SDCBP: variants seen among roughly 807,000 people sequenced by gnomAD.
SDCBP encodes syntenin-1.
A neutral mutation model predicts 30.5 loss-of-function variants in SDCBP; 22 were observed. That is an observed-to-expected ratio of 0.72 (90% CI 0.52 to 1.03). SDCBP has a LOEUF of 1.03. Ranked by LOEUF, SDCBP falls within the 50% of genes least tolerant of loss-of-function variation. The pLI is 0.00. For synonymous variants in SDCBP, 103 were observed against 118.7 expected (o/e 0.87, Z 0.86); for missense variants, 304 against 369.9 (o/e 0.82, Z 1.46).
At chr8:58,560,563 AAG>A (rs1804383219) in intron 1 of SDCBP, 1 of 152,360 alleles carries the variant, frequency 6.6e-6, no homozygotes, top group Admixed American at 6.5e-5. Flanking sequence ...CTCTGAAAAC[AAG>A]AGAGCTGGGT....
Position 58,565,079 on chromosome 8 carries a change from AT to A in SDCBP, c.48del (p.Gln17ArgfsTer43), listed in dbSNP as rs1463865589. On this transcript the variant is annotated frameshift_variant, in exon 2 of 9. Coordinates refer to ENST00000260130, the MANE Select transcript of SDCBP (RefSeq NM_005625.4). LOFTEE classifies it high-confidence loss of function. Reference sequence around the variant, plus strand: ...CGAAGACTTGAAGGTAGACAAAGTAATTCAGGTATGATAGTTTAAATACTTT... The same window carrying A: ...CGAAGACTTGAAGGTAGACAAAGTAATCAGGTATGATAGTTTAAATACTTT... ...SLEDLKVDKV[I>X]QAQTAFSANP... The A allele has an allele frequency of 6.4e-7, 1 of 1,556,810 alleles. No homozygotes were observed. The highest frequency in any genetic ancestry group is 1.8e-5 in the Admixed American group (1 of 56,692).
At chr8:58,564,495 A>G (rs1490550326) in intron 1 of SDCBP, among the ~76,000 whole-genome samples, 1 of 152,236 alleles carries the variant, frequency 6.6e-6, no homozygotes, top group African/African-American at 2.4e-5. Context: ...CTTCTGAAGA[A>G]AAATCTGTTA....
intron 5 of SDCBP, among the ~76,000 whole-genome samples, chr8:58,577,738 C>A (rs1191855411): frequency 3.3e-5 from 5 of 152,048 alleles, no homozygotes; most frequent in Non-Finnish European, 7.4e-5. Flanking sequence ...GTTTTGTATT[C>A]CAAGTTGAAG....
At chr8:58,561,679 G>A (rs1260865882) in intron 1 of SDCBP, 5 of 617,146 alleles carry the variant, frequency 8.1e-6, no homozygotes, top group African/African-American at 7.5e-5. Context: ...CACTATATCT[G>A]ACTTAAACGC....
intron 1 of SDCBP, among the ~76,000 whole-genome samples, chr8:58,557,251 ATATT>A (rs1244918957): frequency 1.7e-3 from 227 of 130,626 alleles, no homozygotes; most frequent in African/African-American, 6.3e-3. Flanking sequence ...ATTTTAATCA[ATATT>A]TATATTTAAA....
At chr8:58,556,835 A>G (rs1411914515) in intron 1 of SDCBP, among the ~76,000 whole-genome samples, 2 of 144,006 alleles carry the variant, frequency 1.4e-5, no homozygotes, top group Non-Finnish European at 3.0e-5. Context: ...AAATACATAT[A>G]TATATAAAAT....
Position 58,553,268 on chromosome 8 carries a change from G to C in SDCBP, c.-51G>C, listed in dbSNP as rs994875715. The stretch of plus-strand genomic sequence containing the variant: ...GCCTCAGAAGTCCGTGCCAGTGACC[G>C]GAGGCGGCGGCGGCGAGCGGTTCCT... On this transcript the variant is annotated 5_prime_UTR_variant, in exon 1 of 9. Transcript: ENST00000260130. The C allele has an allele frequency of 1.9e-5, 3 of 153,930 alleles. No homozygotes were observed. Among genetic ancestry groups the C allele is most frequent in the African/African-American group, 7.2e-5 (3 of 41,486 alleles). The allele number at this position is 153,930 out of a possible 1,614,324, so 9.5% of individuals were successfully genotyped here.
chr8:58,569,645 C>CT (rs1164541832), intron 2 of SDCBP, among the ~76,000 whole-genome samples: 8 of 149,170 alleles, frequency 5.4e-5, no homozygotes, highest in African/African-American at 7.4e-5. Flanking sequence ...CTTTATAGTT[C>CT]TTTTTTTTTT....
chr8:58,558,500 C>T (rs181829288), intron 1 of SDCBP, among the ~76,000 whole-genome samples: 228 of 152,246 alleles, frequency 1.5e-3, no homozygotes, highest in Middle Eastern at 3.4e-3. Flanking sequence ...CCAAGCTGGT[C>T]GCAAACTCCT....
chr8:58,558,087 G>A (rs1227787908), intron 1 of SDCBP, among the ~76,000 whole-genome samples: 1 of 152,142 alleles, frequency 6.6e-6, no homozygotes, highest in African/African-American at 2.4e-5. Context: ...TAATGTACAA[G>A]TGACTTAATG....
intron 2 of SDCBP, among the ~76,000 whole-genome samples, chr8:58,569,492 G>T (rs770183957): frequency 6.6e-6 from 1 of 152,208 alleles, no homozygotes; most frequent in East Asian, 1.9e-4. Flanking sequence ...CAGCCACTGT[G>T]CCTGGCCTAA....
intron 2 of SDCBP, among the ~76,000 whole-genome samples, chr8:58,567,013 T>C (rs1804737051): frequency 6.6e-6 from 1 of 152,200 alleles, no homozygotes; most frequent in African/African-American, 2.4e-5. Context: ...CTTATCAGTT[T>C]CCTAATATGG....
intron 5 of SDCBP, 85 bp from the exon 6 acceptor site, chr8:58,577,948 A>G: frequency 9.3e-7 from 1 of 1,073,256 alleles, no homozygotes; most frequent in Non-Finnish European, 1.4e-6. Flanking sequence ...AGTTTTCAAC[A>G]TAAACAGTTG....
chr8:58,570,621 A>G (rs919857394), intron 2 of SDCBP: 3 of 311,874 alleles, frequency 9.6e-6, no homozygotes, highest in African/African-American at 2.1e-5. Flanking sequence ...TGGCAGCACT[A>G]TGAAGTGCTG....
At chr8:58,559,947 G>T (rs753851656) in intron 1 of SDCBP, among the ~76,000 whole-genome samples, 3 of 152,244 alleles carry the variant, frequency 2.0e-5, no homozygotes, top group Non-Finnish European at 4.4e-5. Flanking sequence ...GGCGGGGAAA[G>T]AGAAGACTGA....
intron 1 of SDCBP, among the ~76,000 whole-genome samples, chr8:58,556,179 A>C (rs913846505): frequency 3.9e-5 from 6 of 152,208 alleles, no homozygotes; most frequent in African/African-American, 1.4e-4. Context: ...GGCACCAGGG[A>C]CTGGTTTCAT....
chr8:58,555,402 T>C (rs1321740863), intron 1 of SDCBP, among the ~76,000 whole-genome samples: 1 of 152,196 alleles, frequency 6.6e-6, no homozygotes. Context: ...TGTCAAACTT[T>C]GGATTTTTGC....
intron 1 of SDCBP, among the ~76,000 whole-genome samples, chr8:58,558,757 A>G (rs1473940408): frequency 6.6e-6 from 1 of 152,208 alleles, no homozygotes; most frequent in African/African-American, 2.4e-5. Flanking sequence ...TCTTTTAAGA[A>G]GTGACACTTG....
Position 58,572,312 on chromosome 8 carries a change from G to T in SDCBP, c.238G>T (p.Gly80Trp). Residue 80 changes from glycine (G) to tryptophan (W), a missense_variant and splice_region_variant, in exon 4 of 9, where the codon GGG becomes TGG. Coordinates refer to ENST00000260130, the MANE Select transcript of SDCBP (RefSeq NM_005625.4). ...CGTGGTTTCTGGTGCACCACTTCAG[G>T]GGGTATGTATAGTGTAATTAATTTT... ...VAVVSGAPLQ[G>W]QLVARPSSIN... 6.3e-7 allele frequency: 1 copy of T among 1,578,358 alleles called. No homozygotes were observed. Among genetic ancestry groups the T allele is most frequent in the Non-Finnish European group, 8.7e-7 (1 of 1,148,168 alleles).
Sources: allele counts gnomAD v4.1 joint callset (sites outside exome capture counted in the v4.1 genomes callset), GRCh38; gene constraint gnomAD v4.1.1; transcripts MANE v1.5; gene names NCBI Gene and HGNC (gene_info 2026-07-23, HGNC 2026-07-21).